AP1S1: variants seen among roughly 807,000 people sequenced by gnomAD.
The protein encoded by AP1S1 is adaptor related protein complex 1 subunit sigma 1, also known as AP-1 complex subunit sigma-1A.
In AP1S1, 13 loss-of-function variants were observed where a neutral mutation model predicts 23.9. The ratio of observed to expected loss-of-function variants is 0.54; its 90% CI spans 0.35 to 0.86. AP1S1 has a LOEUF of 0.86. Among genes scored for constraint, AP1S1 ranks in the 40% least tolerant of loss-of-function variants. The probability of loss-of-function intolerance (pLI) is 0.01; values close to 1 mark genes in which losing one functional copy is unlikely to be tolerated. For synonymous variants in AP1S1, 84 were observed against 77.7 expected (o/e 1.08, Z -0.43); for missense variants, 119 against 197.6 (o/e 0.60, Z 2.38).
chr7:101,160,154 C>T (rs1037627147), intron 4 of AP1S1, among the ~76,000 whole-genome samples: 17 of 152,094 alleles, frequency 1.1e-4, no homozygotes, highest in Admixed American at 1.0e-3. Context: ...AGGACCCAGT[C>T]AGCTGTACCC....
At position 101,160,895 on chromosome 7, in the gene AP1S1, T is replaced by C. The variant is rs982973478; in HGVS notation, c.*329T>C. ...TCCCTCCCTAATAACTGTAAATATA[T>C]AAATATGTCAGGTTAAAGGGAAAAG... On this transcript the variant is annotated 3_prime_UTR_variant, in exon 5 of 5. Transcript: ENST00000337619. 18 of 509,604 alleles carry C rather than the reference T, an allele frequency of 3.5e-5. No individual in the cohort carries two copies. The highest frequency in any genetic ancestry group is 6.2e-4 in the Middle Eastern group (2 of 3,238). 31.6% of individuals were successfully genotyped at this position (509,604 alleles called of 1,614,324 possible). A position where few individuals can be genotyped will look rare whatever the true frequency, so the allele number is the denominator to read the frequency against.
chr7:101,156,914 T>C, intron 2 of AP1S1, 142 bp downstream of exon 2: 1 of 437,960 alleles, frequency 2.3e-6, no homozygotes, highest in Non-Finnish European at 3.4e-6. Flanking sequence ...CAGCTTCCTT[T>C]TTTTTTTTTT....
At chr7:101,155,950 G>T (rs1191013867) in intron 1 of AP1S1, among the ~76,000 whole-genome samples, 1 of 152,122 alleles carries the variant, frequency 6.6e-6, no homozygotes, top group Non-Finnish European at 1.5e-5. Context: ...ATAACTAACG[G>T]CCGGGCGCAG....
chr7:101,155,168 C>G, intron 1 of AP1S1: 1 of 377,298 alleles, frequency 2.7e-6, no homozygotes, highest in Non-Finnish European at 3.7e-6. Flanking sequence ...CCCCACCCCC[C>G]TATTTGAGCG....
Position 101,158,526 on chromosome 7 carries a change from GC to G in AP1S1, c.292-532del, listed in dbSNP as rs541887679. Among the ~76,000 whole-genome samples, 9 of 152,276 alleles carry G rather than the reference GC, an allele frequency of 5.9e-5. No homozygotes were observed. The South Asian group carries it at 1.9e-3, about 32-fold the overall frequency. On this transcript the variant is annotated intron_variant, in intron 3 of 4. Coordinates refer to ENST00000337619, the MANE Select transcript of AP1S1 (RefSeq NM_001283.5). ...GAACGTCACAGATTTTGGGGGGAAGGCAAGGGGAACCATAGACAAAGGTAGA... is the reference window on the plus strand; with the variant it reads ...GAACGTCACAGATTTTGGGGGGAAGGAAGGGGAACCATAGACAAAGGTAGA...
Position 101,161,005 on chromosome 7 carries a change from AG to A in AP1S1, c.*443del, listed in dbSNP as rs1797097124. 1 of 353,284 alleles carries A rather than the reference AG, an allele frequency of 2.8e-6. No homozygotes were observed. The highest frequency in any genetic ancestry group is 5.5e-6 in the Non-Finnish European group (1 of 180,802). The allele number at this position is 353,284 out of a possible 1,614,324, so 21.9% of individuals were successfully genotyped here. A position where few individuals can be genotyped will look rare whatever the true frequency, so the allele number is the denominator to read the frequency against. ...CAGCCAGGCAGCTTCTCTGCCTGGG[AG>A]GGGAGCCTGGACCCCCCTCTTTCTC... On this transcript the variant is annotated 3_prime_UTR_variant, in exon 5 of 5. Coordinates refer to ENST00000337619, the MANE Select transcript of AP1S1 (RefSeq NM_001283.5).
chr7:101,154,684 G>A (rs1300657283), intron 1 of AP1S1, 167 bp downstream of exon 1: 6 of 767,190 alleles, frequency 7.8e-6, no homozygotes, highest in South Asian at 6.1e-5. Context: ...GGAAGAGGGG[G>A]AGGTGGCATT....
Position 101,155,177 on chromosome 7 carries a change from C to A in AP1S1, c.3+660C>A, listed in dbSNP as rs1246945161. On this transcript the variant is annotated intron_variant, in intron 1 of 4. Coordinates refer to ENST00000337619, the MANE Select transcript of AP1S1 (RefSeq NM_001283.5). ...CTTGCTCCCCACCCCCCTATTTGAG[C>A]GCCGCACGAGGCTCCCCAGCGCCCC... 23 of 301,122 alleles carry A rather than the reference C, an allele frequency of 7.6e-5. 1 individual carries two copies. Among genetic ancestry groups the A allele is most frequent in the Non-Finnish European group, 9.8e-5 (20 of 204,376 alleles). The allele number at this position is 301,122 out of a possible 1,614,324, so 18.7% of individuals were successfully genotyped here. A position where few individuals can be genotyped will look rare whatever the true frequency, so the allele number is the denominator to read the frequency against.
In AP1S1 at chr7:101,160,643, C is replaced by CTG. The variant is rs1797083880; in HGVS notation, c.*79_*80dup. 1.9e-6 allele frequency: 3 copies of CTG among 1,548,916 alleles called. No individual in the cohort carries two copies. Among genetic ancestry groups the CTG allele is most frequent in the Non-Finnish European group, 2.6e-6 (3 of 1,133,642 alleles). ...GGCTGCTTCTCCTCTGCCCAGGGCC[C>CTG]TGTTCTTGGTGGGACTCGGCTGCCC... On this transcript the variant is annotated 3_prime_UTR_variant, in exon 5 of 5. Transcript: ENST00000337619.
At chr7:101,160,435 ACT>A in intron 4 of AP1S1, 82 bp from the exon 5 acceptor site, 2 of 1,501,488 alleles carry the variant, frequency 1.3e-6, no homozygotes, top group Non-Finnish European at 1.8e-6. Flanking sequence ...CCCCCGTCTG[ACT>A]CTTCCTCGTG....
chr7:101,155,805 TAGAG>T lies in AP1S1; in HGVS notation c.4-784_4-781del, dbSNP rs560269675. ...TACCAGATTTCAGCATGGTGATGGA[TAGAG>T]AGAGGGTGGAAGAGAACAGGCATTT... On this transcript the variant is annotated intron_variant, in intron 1 of 4. Transcript: ENST00000337619. Among the ~76,000 whole-genome samples, 410 of 152,200 alleles carry T rather than the reference TAGAG, an allele frequency of 2.7e-3. 1 individual carries two copies. Among genetic ancestry groups the T allele is most frequent in the Non-Finnish European group, 4.6e-3 (314 of 68,016 alleles).
rs960569261 is a variant in AP1S1 at position 101,156,849 on chromosome 7, C to G, written c.182+77C>G. ...TTAAAATGTCTGAGAAATGGTCGTCCTGTAGGTCAGGGAGACCTGGGAGCT... is the reference window on the plus strand; with the variant it reads ...TTAAAATGTCTGAGAAATGGTCGTCGTGTAGGTCAGGGAGACCTGGGAGCT... On this transcript the variant is annotated intron_variant, in intron 2 of 4. Transcript: ENST00000337619. 216 of 1,362,384 alleles carry G rather than the reference C, an allele frequency of 1.6e-4. 2 individuals are homozygous for G. Among genetic ancestry groups the G allele is most frequent in the Non-Finnish European group, 1.6e-4 (162 of 1,036,192 alleles). 84.4% of individuals were successfully genotyped at this position (1,362,384 alleles called of 1,614,324 possible).
At chr7:101,159,028 T>C (rs1797041122) in intron 3 of AP1S1, 31 bp from the exon 4 acceptor site, 1 of 1,609,228 alleles carries the variant, frequency 6.2e-7, no homozygotes, top group Non-Finnish European at 8.5e-7. Flanking sequence ...TGCCCCTCCA[T>C]GCTCAACTTA....
chr7:101,154,657 G>A (rs1796961885), intron 1 of AP1S1, 140 bp downstream of exon 1: 1 of 1,206,726 alleles, frequency 8.3e-7, no homozygotes, highest in Non-Finnish European at 1.1e-6. Flanking sequence ...CGGCGGGTGG[G>A]CGAGCCGGGC....
chr7:101,159,979 C>G (rs1797064348), intron 4 of AP1S1, among the ~76,000 whole-genome samples: 1 of 125,136 alleles, frequency 8.0e-6, no homozygotes, highest in Non-Finnish European at 1.6e-5. Context: ...CACACACACC[C>G]TGGCGCGCAC....
intron 4 of AP1S1, 104 bp from the exon 5 acceptor site, chr7:101,160,415 G>A: frequency 7.2e-7 from 1 of 1,382,808 alleles, no homozygotes; most frequent in Non-Finnish European, 1.0e-6. Flanking sequence ...CCTCCCCCGT[G>A]TCTGTGCCTC....
intron 2 of AP1S1, 137 bp from the exon 3 acceptor site, chr7:101,157,240 C>A: frequency 1.6e-6 from 1 of 621,264 alleles, no homozygotes; most frequent in Non-Finnish European, 2.8e-6. Context: ...GTGAGTTACT[C>A]TTTACATGCC....
intron 2 of AP1S1, among the ~76,000 whole-genome samples, chr7:101,157,054 G>T (rs550926601): frequency 6.6e-6 from 1 of 152,154 alleles, no homozygotes; most frequent in African/African-American, 2.4e-5. Context: ...GCAGTCAAAG[G>T]TCCTGCCCTA....
At position 101,157,809 on chromosome 7, in the gene AP1S1, C is replaced by T. The variant is rs116399991; in HGVS notation, c.291+324C>T. Reference sequence around the variant, plus strand: ...TTTTAGAGACACAGTCTCACCCTATCACCTGGAGGAATGCCGCCTATGGCT... The same window carrying T: ...TTTTAGAGACACAGTCTCACCCTATTACCTGGAGGAATGCCGCCTATGGCT... On this transcript the variant is annotated intron_variant, in intron 3 of 4. Coordinates refer to ENST00000337619, the MANE Select transcript of AP1S1 (RefSeq NM_001283.5). Among the ~76,000 whole-genome samples, 662 of 152,250 alleles carry T rather than the reference C, an allele frequency of 4.3e-3. 8 individuals carry two copies. Among genetic ancestry groups the T allele is most frequent in the African/African-American group, 0.015 (624 of 41,552 alleles).
Sources: allele counts gnomAD v4.1 joint callset (sites outside exome capture counted in the v4.1 genomes callset), GRCh38; gene constraint gnomAD v4.1.1; transcripts MANE v1.5; gene names NCBI Gene and HGNC (gene_info 2026-07-23, HGNC 2026-07-21).